BPTF: variants seen among roughly 807,000 people sequenced by gnomAD.
The protein encoded by BPTF is nucleosome-remodeling factor subunit BPTF.
BPTF carries 18 observed loss-of-function variants against 292.5 expected under a neutral mutation model. That is an observed-to-expected ratio of 0.06 (90% CI 0.04 to 0.09). The LOEUF is 0.09. Ranked by LOEUF, BPTF falls within the 10% of genes least tolerant of loss-of-function variation. BPTF has a pLI of 1.00. For missense variants in BPTF, 2,726 were observed against 3,498.7 expected (o/e 0.78, Z 5.57); for synonymous variants, 1,225 against 1,251.9 (o/e 0.98, Z 0.45).
intron 24 of BPTF, chr17:67,963,573 T>C (rs1354351827): frequency 3.9e-6 from 5 of 1,289,414 alleles, no homozygotes; most frequent in African/African-American, 1.5e-5. Context: ...TGGTTACTTA[T>C]TTATTTTAAA....
chr17:67,912,361 G>C lies in BPTF; in HGVS notation c.4477G>C (p.Ala1493Pro). 1 of 1,614,058 alleles carries C rather than the reference G, an allele frequency of 6.2e-7. No individual in the cohort carries two copies. The highest frequency in any genetic ancestry group is 8.5e-7 in the Non-Finnish European group (1 of 1,179,984). ...ATCGCATTTGCTGAGTTCTTCAGAT[G>C]CTGAAGGTAACTACCGAGATAGCCT... ...TKSHLLSSSDAEGNYRDSLET... is the reference protein window; with the variant it reads ...TKSHLLSSSDPEGNYRDSLET... Residue 1493 changes from alanine (A) to proline (P), a missense_variant, in exon 11 of 28, where the codon GCT becomes CCT. By Grantham distance (27) the Ala-to-Pro change is conservative. This residue lies in a region of BPTF where 713 missense variants were observed against 714.9 expected (regional missense o/e 1.00). Transcript: ENST00000306378.
chr17:67,908,711 A>G (rs1184839449), intron 9 of BPTF, among the ~76,000 whole-genome samples: 2 of 148,602 alleles, frequency 1.3e-5, no homozygotes, highest in Non-Finnish European at 3.0e-5. Context: ...GCTGGTCTTG[A>G]ACTCCTTGTC....
chr17:67,837,584 A>G (rs1335540371), intron 1 of BPTF, among the ~76,000 whole-genome samples: 1 of 151,832 alleles, frequency 6.6e-6, no homozygotes, highest in Non-Finnish European at 1.5e-5. Flanking sequence ...ATTTTTTTGT[A>G]TTTTTAGTAG....
rs375333412 is a variant in BPTF at position 67,918,052 on chromosome 17, G to A, written c.5304-662G>A. Among the ~76,000 whole-genome samples, 992 of 152,096 alleles carry A rather than the reference G, an allele frequency of 6.5e-3. 5 individuals carry two copies. Among genetic ancestry groups the A allele is most frequent in the Non-Finnish European group, 0.011 (781 of 67,970 alleles). ...CTGACCTTGTGATCTGCCCACCTCG[G>A]CCTCCCAAAGTGCTGGGATTACAGG... On this transcript the variant is annotated intron_variant, in intron 11 of 27. Transcript: ENST00000306378.
At chr17:67,906,205 C>T (rs1246519447) in intron 9 of BPTF, among the ~76,000 whole-genome samples, 7 of 151,854 alleles carry the variant, frequency 4.6e-5, no homozygotes, top group African/African-American at 9.7e-5. Context: ...CTCAGCCTCC[C>T]GAGTAGCTGG....
At chr17:67,900,277 G>A (rs1245885010) in intron 7 of BPTF, among the ~76,000 whole-genome samples, 4 of 152,084 alleles carry the variant, frequency 2.6e-5, no homozygotes, top group Admixed American at 6.5e-5. Context: ...GCTAATTTTC[G>A]TATTTTTAGT....
intron 4 of BPTF, among the ~76,000 whole-genome samples, chr17:67,890,948 A>G (rs543229787): frequency 6.6e-6 from 1 of 152,314 alleles, no homozygotes; most frequent in South Asian, 2.1e-4. Context: ...GAAATTTAAC[A>G]GTGATGCAGT....
chr17:67,964,796 C>G (rs61482133), intron 25 of BPTF, among the ~76,000 whole-genome samples: 2,749 of 151,516 alleles, frequency 0.018, 78 homozygotes, highest in Admixed American at 0.071. Context: ...GTCAGGAGAT[C>G]AGACCATCCT....
chr17:67,968,995 A>G (rs2068455327), intron 26 of BPTF, among the ~76,000 whole-genome samples: 1 of 150,976 alleles, frequency 6.6e-6, no homozygotes, highest in African/African-American at 2.5e-5. Context: ...AAAATAAAAA[A>G]TAAACAAAAT....
At chr17:67,858,208 C>G (rs1194501881) in intron 2 of BPTF, among the ~76,000 whole-genome samples, 3 of 152,172 alleles carry the variant, frequency 2.0e-5, no homozygotes, top group African/African-American at 7.2e-5. Context: ...TATTCTGTGT[C>G]TTTTGGTTTG....
chr17:67,927,097 G>GCTCCT (rs2063982638), intron 15 of BPTF, among the ~76,000 whole-genome samples: 1 of 152,164 alleles, frequency 6.6e-6, no homozygotes, highest in Non-Finnish European at 1.5e-5. Context: ...GTGAGCAGGA[G>GCTCCT]GCTCACCTAT....
In BPTF at chr17:67,911,050, A is replaced by G. The variant is rs770227764; in HGVS notation, c.3166A>G (p.Lys1056Glu). Residue 1056 changes from lysine (K) to glutamate (E), a missense_variant, in exon 11 of 28, where the codon AAA becomes GAA. Transcript: ENST00000306378. ...AAGGACTAGTTACAAAAAGAAAACA[A>G]AATCATCCAAACTAGATGGACTTCT... ...HLRTSYKKKTKSSKLDGLLER... is the reference protein window; with the variant it reads ...HLRTSYKKKTESSKLDGLLER... 6.8e-6 allele frequency: 11 copies of G among 1,614,026 alleles called. No homozygotes were observed. The Admixed American group carries it at 1.0e-4, about 15-fold the overall frequency.
At chr17:67,979,766 C>T (rs539207872) in intron 27 of BPTF, among the ~76,000 whole-genome samples, 2 of 151,886 alleles carry the variant, frequency 1.3e-5, no homozygotes, top group South Asian at 4.2e-4. Flanking sequence ...CCTGGCCGGG[C>T]GCAGTGGCTC....
At chr17:67,932,898 T>G (rs926441180) in intron 18 of BPTF, among the ~76,000 whole-genome samples, 4 of 151,846 alleles carry the variant, frequency 2.6e-5, no homozygotes, top group African/African-American at 9.7e-5. Flanking sequence ...CAGAATAAAA[T>G]TCAATGTTTA....
At position 67,826,242 on chromosome 17, in the gene BPTF, C is replaced by T. The variant is rs755369393; in HGVS notation, c.518C>T (p.Ser173Phe). 1 of 1,613,752 alleles carries T rather than the reference C, an allele frequency of 6.2e-7. No individual in the cohort carries two copies. Among genetic ancestry groups the T allele is most frequent in the East Asian group, 2.2e-5 (1 of 44,850 alleles). Residue 173 changes from serine to phenylalanine, a missense_variant, in exon 1 of 28, where the codon TCC (serine) becomes TTC (phenylalanine). Around this residue, in one of 22 missense-constraint regions of BPTF, gnomAD observed 153 missense variants for 178.3 expected, o/e 0.86. Transcript: ENST00000306378. ...GAGATGGAAGAGGACGACGATGACT[C>T]CGATTATCCGGAGGAGATGGAAGAC... ...EDEMEEDDDD[S>F]DYPEEMEDDD...
At chr17:67,965,531 C>G (rs2068002882) in intron 25 of BPTF, 1 of 138,648 alleles carries the variant, frequency 7.2e-6, no homozygotes, top group South Asian at 2.4e-4. Flanking sequence ...GACCCCATCT[C>G]TACAAAAAAA....
At position 67,886,305 on chromosome 17, in the gene BPTF, A is replaced by G. The variant is rs2060744706; in HGVS notation, c.1865-5539A>G. On this transcript the variant is annotated intron_variant, in intron 4 of 27. Transcript: ENST00000306378. ...GAATCTCATACACCTGTCTCTATTC[A>G]GGAAGAGATAGGTAAGAATATACTT... 5.0e-6 allele frequency: 8 copies of G among 1,609,166 alleles called. No individual in the cohort carries two copies. The highest frequency in any genetic ancestry group is 6.8e-6 in the Non-Finnish European group (8 of 1,176,716).
At chr17:67,885,427 T>C (rs1483194071) in intron 4 of BPTF, among the ~76,000 whole-genome samples, 2 of 152,052 alleles carry the variant, frequency 1.3e-5, no homozygotes, top group African/African-American at 4.8e-5. Flanking sequence ...CTACCAAAAA[T>C]ATAAAAGAAT....
At chr17:67,826,704 G>C (rs1004548358) in intron 1 of BPTF, among the ~76,000 whole-genome samples, 6 of 151,560 alleles carry the variant, frequency 4.0e-5, no homozygotes, top group Admixed American at 6.6e-5. Flanking sequence ...TTGTTTTGGT[G>C]TGGTTTTCTG....
Sources: allele counts gnomAD v4.1 joint callset (sites outside exome capture counted in the v4.1 genomes callset), GRCh38; gene constraint gnomAD v4.1.1; regional missense constraint gnomAD v4.1.1; transcripts MANE v1.5; gene names NCBI Gene and HGNC (gene_info 2026-07-23, HGNC 2026-07-21).